Variants in EYS observed in about 807,000 individuals in gnomAD.
The protein encoded by EYS is EGF-like photoreceptor maintenance factor, also known as protein eyes shut homolog.
In EYS, 250 loss-of-function variants were observed where a neutral mutation model predicts 282.1. That is an observed-to-expected ratio of 0.89 (90% confidence interval 0.80 to 0.98). The LOEUF (loss-of-function observed/expected upper bound fraction) is 0.98, where lower values mean the gene tolerates loss of function less well. Among genes scored for constraint, EYS ranks in the 50% least tolerant of loss-of-function variants. EYS has a pLI of 0.00. For missense variants in EYS, 4,016 were observed against 3,709.0 expected (o/e 1.08, Z -2.15); for synonymous variants, 1,355 against 1,282.9 (o/e 1.06, Z -1.20).
chr6:64,599,832 T>C (rs966172774), intron 24 of EYS, among the ~76,000 whole-genome samples: 18 of 152,124 alleles, frequency 1.2e-4, no homozygotes, highest in African/African-American at 4.3e-4. Context: ...AGATTTGTTA[T>C]CAATATTTCT....
At chr6:65,133,339 CAAAGTT>C (rs1031457562) in intron 12 of EYS, among the ~76,000 whole-genome samples, 26 of 151,822 alleles carry the variant, frequency 1.7e-4, no homozygotes, top group African/African-American at 6.0e-4. Flanking sequence ...AACAAAAAAA[CAAAGTT>C]AGAGGTATCA....
At chr6:65,572,701 G>C (rs556441235) in intron 2 of EYS, among the ~76,000 whole-genome samples, 2 of 152,164 alleles carry the variant, frequency 1.3e-5, no homozygotes, top group East Asian at 3.9e-4. Context: ...TATACTCTTG[G>C]ATGTTCATAC....
At chr6:64,414,229 C>A (rs2150445990) in intron 28 of EYS, among the ~76,000 whole-genome samples, 2 of 152,134 alleles carry the variant, frequency 1.3e-5, no homozygotes, top group African/African-American at 4.8e-5. Flanking sequence ...ATATCATATA[C>A]AAATAAATAT....
intron 13 of EYS, among the ~76,000 whole-genome samples, chr6:65,012,957 T>C (rs924928212): frequency 8.5e-5 from 13 of 152,154 alleles, no homozygotes; most frequent in African/African-American, 2.9e-4. Flanking sequence ...CAAGATCTTT[T>C]TCTGAAACTA....
rs191127527 is a variant in EYS, at chr6:64,684,355, T to G, written c.3444-58110A>C. 3.2e-4 allele frequency among the ~76,000 whole-genome samples: 48 copies of G among 152,242 alleles called. 1 individual carries two copies. Among genetic ancestry groups the G allele is most frequent in the African/African-American group, 1.1e-3 (47 of 41,544 alleles). On this transcript the variant is annotated intron_variant, in intron 22 of 42. Coordinates refer to ENST00000503581, the MANE Select transcript of EYS (RefSeq NM_001142800.2). ...ATGAAACCTAAGTAAAAAAAGATAT[T>G]TCTGAATACAAACCTCTTATTTTCT...
At chr6:65,075,893 T>C (rs1216343842) in intron 12 of EYS, among the ~76,000 whole-genome samples, 4 of 151,950 alleles carry the variant, frequency 2.6e-5, no homozygotes, top group African/African-American at 9.7e-5. Flanking sequence ...GCAACTACAG[T>C]AAAATCTCAC....
chr6:64,072,763 TTTC>T (rs1208674400), intron 32 of EYS, among the ~76,000 whole-genome samples: 3 of 151,946 alleles, frequency 2.0e-5, no homozygotes, highest in Non-Finnish European at 4.4e-5. Context: ...AAGCTTTCTA[TTTC>T]TTAATATTTT....
chr6:64,404,901 A>G (rs749596024), intron 28 of EYS, among the ~76,000 whole-genome samples: 2 of 152,216 alleles, frequency 1.3e-5, no homozygotes, highest in Non-Finnish European at 2.9e-5. Flanking sequence ...GAATCATACC[A>G]TGTGTGGGAA....
At chr6:64,589,563 T>C (rs1562078387) in intron 26 of EYS, among the ~76,000 whole-genome samples, 3 of 152,066 alleles carry the variant, frequency 2.0e-5, no homozygotes, top group Non-Finnish European at 4.4e-5. Context: ...AGAATAGTGA[T>C]TTAAAATACG....
At chr6:64,863,315 T>G in intron 19 of EYS, among the ~76,000 whole-genome samples, 1 of 152,190 alleles carries the variant, frequency 6.6e-6, no homozygotes, top group Non-Finnish European at 1.5e-5. Context: ...TTTTACCTAT[T>G]TATTCATTAT....
intron 32 of EYS, among the ~76,000 whole-genome samples, chr6:64,067,133 A>C (rs966387585): frequency 6.6e-6 from 1 of 152,204 alleles, no homozygotes; most frequent in Non-Finnish European, 1.5e-5. Flanking sequence ...ATGAGATCAT[A>C]CTTTATTCAT....
intron 22 of EYS, among the ~76,000 whole-genome samples, chr6:64,745,319 AT>A (rs1201385914): frequency 6.6e-6 from 1 of 152,208 alleles, no homozygotes; most frequent in Non-Finnish European, 1.5e-5. Flanking sequence ...AATGGCAGTC[AT>A]TTATGGGCTT....
At chr6:65,020,583 G>T (rs542484467) in intron 13 of EYS, among the ~76,000 whole-genome samples, 2 of 152,242 alleles carry the variant, frequency 1.3e-5, no homozygotes, top group South Asian at 4.1e-4. Context: ...CCAGGGGCAC[G>T]GTGCAAGCTG....
chr6:64,900,485 G>A (rs4349800), intron 18 of EYS, among the ~76,000 whole-genome samples: 108,769 of 152,000 alleles, frequency 0.72, 39,894 homozygotes, highest in African/African-American at 0.89. Flanking sequence ...TATCCATCTG[G>A]GAAATGGCTA....
chr6:65,494,945 G>C lies in EYS; in HGVS notation c.466C>G (p.Pro156Ala). Residue 156 changes from proline to alanine, a missense_variant, in exon 4 of 43, where the codon CCA becomes GCA. Coordinates refer to ENST00000503581, the MANE Select transcript of EYS (RefSeq NM_001142800.2). ...CGAAGTCCCAGTGGACAAGGTGATG[G>C]ACCACTTGCCATAACTGTGATAAAA... ...HYFITVMASG[P>A]SPCPLGLRLN... The C allele has an allele frequency of 6.2e-7, 1 of 1,614,098 alleles. No individual in the cohort carries two copies. Among genetic ancestry groups the C allele is most frequent in the Non-Finnish European group, 8.5e-7 (1 of 1,180,010 alleles).
At chr6:64,573,228 A>T (rs1765778511) in intron 26 of EYS, among the ~76,000 whole-genome samples, 1 of 152,224 alleles carries the variant, frequency 6.6e-6, no homozygotes, top group South Asian at 2.1e-4. Context: ...CATATGCAGA[A>T]AGCTGAAACT....
chr6:65,312,887 T>C (rs943087988), intron 11 of EYS, among the ~76,000 whole-genome samples: 14 of 152,114 alleles, frequency 9.2e-5, no homozygotes, highest in Non-Finnish European at 2.1e-4. Context: ...TCTGGCTCTT[T>C]AGGAGGGAGC....
chr6:65,618,047 T>C (rs1055751927), intron 2 of EYS, among the ~76,000 whole-genome samples: 24 of 152,212 alleles, frequency 1.6e-4, no homozygotes, highest in Non-Finnish European at 1.5e-5. Context: ...GCATGATTTA[T>C]AGTCCTTTGG....
intron 1 of EYS, among the ~76,000 whole-genome samples, chr6:65,682,742 C>T (rs1401277064): frequency 1.3e-5 from 2 of 151,520 alleles, no homozygotes; most frequent in African/African-American, 4.8e-5. Context: ...AGCACAGAGA[C>T]AAATACAGAG....
Sources: allele counts gnomAD v4.1 joint callset (sites outside exome capture counted in the v4.1 genomes callset), GRCh38; gene constraint gnomAD v4.1.1; transcripts MANE v1.5; gene names NCBI Gene and HGNC (gene_info 2026-07-23, HGNC 2026-07-21).